The following YIPF1 variants were observed in gnomAD, a reference collection of about 807,000 sequenced individuals.
YIPF1 encodes Yip1 domain family member 1, also known as protein YIPF1.
A neutral mutation model predicts 37.0 loss-of-function variants in YIPF1; 22 were observed. The observed-to-expected ratio is 0.59, with a 90% CI of 0.42 to 0.85. The LOEUF (loss-of-function observed/expected upper bound fraction) is 0.85. YIPF1 is among the 40% of genes least tolerant of loss of function. YIPF1 has a pLI of 0.00. For synonymous variants in YIPF1, 128 were observed against 131.9 expected (o/e 0.97, Z 0.21); for missense variants, 355 against 373.1 (o/e 0.95, Z 0.40).
In YIPF1 at chr1:53,881,075, C is replaced by A. The variant is rs189086574; in HGVS notation, c.195+2038G>T. On this transcript the variant is annotated intron_variant, in intron 4 of 10. Transcript: ENST00000072644. ...GTAAGGAGTTCGAGACCAGCCTGGC[C>A]AATATGGTGAAACCCCGTCTCTACT... 3.1e-3 allele frequency among the ~76,000 whole-genome samples: 475 copies of A among 151,830 alleles called. 3 individuals are homozygous for A. The highest frequency in any genetic ancestry group is 0.011 in the African/African-American group (464 of 41,390).
In YIPF1 at chr1:53,866,350, A is replaced by G; in HGVS notation, c.681T>C (p.Arg227=). The G allele has an allele frequency of 6.2e-7, 1 of 1,614,090 alleles. No individual in the cohort carries two copies. The highest frequency in any genetic ancestry group is 8.5e-7 in the Non-Finnish European group (1 of 1,179,998). Residue 227 remains arginine, a synonymous_variant, in exon 9 of 11, where the codon CGT becomes CGC. Transcript: ENST00000072644. The stretch of plus-strand genomic sequence containing the variant: ...CCAGGGCAATCATGACTAGAATCCA[A>G]CGAACAGCTTTCTGGGGGATAATCC... ...ILWIIPQKAV[R]WILVMIALGI... is the part of the protein sequence containing the mutation.
At position 53,855,456 on chromosome 1, in the gene YIPF1, A is replaced by G. The variant is rs80079628; in HGVS notation, c.*9-3186T>C. The stretch of plus-strand genomic sequence containing the variant: ...AGGATGGAAGCCAGATATTCTTTAT[A>G]TTATTTCAATAACTTACATAGGGGT... On this transcript the variant is annotated intron_variant, in intron 10 of 10. Coordinates refer to ENST00000072644, the MANE Select transcript of YIPF1 (RefSeq NM_018982.5). Among the ~76,000 whole-genome samples, 1,343 of 152,236 alleles carry G rather than the reference A, an allele frequency of 8.8e-3. 14 individuals carry two copies. The highest frequency in any genetic ancestry group is 0.031 in the African/African-American group (1,300 of 41,552).
chr1:53,886,135 C>A (rs1419553547), intron 3 of YIPF1, among the ~76,000 whole-genome samples: 1 of 151,850 alleles, frequency 6.6e-6, no homozygotes, highest in Non-Finnish European at 1.5e-5. Flanking sequence ...TTATTGGGAT[C>A]AGGAAAGGTT....
chr1:53,866,745 G>C lies in YIPF1; in HGVS notation c.648+13C>G, dbSNP rs925643763. 1 of 1,608,550 alleles carries C rather than the reference G, an allele frequency of 6.2e-7. No individual in the cohort carries two copies. The highest frequency in any genetic ancestry group is 1.3e-5 in the African/African-American group (1 of 74,792). ...GCATCACTCAGAATCTACTCCCTAA[G>C]TATGGTACTTACTGCGGTGGGGATA... On this transcript the variant is annotated intron_variant, in intron 8 of 10. Coordinates refer to ENST00000072644, the MANE Select transcript of YIPF1 (RefSeq NM_018982.5).
intron 6 of YIPF1, among the ~76,000 whole-genome samples, chr1:53,877,207 G>C (rs1049608453): frequency 6.6e-6 from 1 of 152,142 alleles, no homozygotes; most frequent in African/African-American, 2.4e-5. Context: ...CAGGCTACAA[G>C]TAAGAATGAA....
chr1:53,869,954 C>A (rs924525581), intron 7 of YIPF1, among the ~76,000 whole-genome samples: 8 of 144,886 alleles, frequency 5.5e-5, no homozygotes, highest in African/African-American at 1.8e-4. Context: ...CTCACTGCAA[C>A]CTCCGCCTCC....
chr1:53,877,893 A>G (rs892781308), intron 6 of YIPF1, among the ~76,000 whole-genome samples: 2 of 152,176 alleles, frequency 1.3e-5, no homozygotes, highest in African/African-American at 4.8e-5. Context: ...GGGCTCAAGC[A>G]ATCCTCCTGC....
chr1:53,865,498 T>C (rs1456507507), intron 9 of YIPF1, among the ~76,000 whole-genome samples: 1 of 152,250 alleles, frequency 6.6e-6, no homozygotes, highest in Non-Finnish European at 1.5e-5. Flanking sequence ...GGAAATGATG[T>C]AAAGCACATA....
chr1:53,888,094 C>T (rs146116930), intron 3 of YIPF1, among the ~76,000 whole-genome samples: 80 of 152,192 alleles, frequency 5.3e-4, no homozygotes, highest in African/African-American at 1.6e-3. Context: ...GGTGTGGTGA[C>T]GGGCACCTGT....
chr1:53,884,299 A>G (rs908368437), intron 3 of YIPF1, among the ~76,000 whole-genome samples: 1 of 151,962 alleles, frequency 6.6e-6, no homozygotes, highest in African/African-American at 2.4e-5. Context: ...AAAGGCAAAC[A>G]CTATTAACAT....
Position 53,866,516 on chromosome 1 carries a change from T to G in YIPF1, c.649-134A>C, listed in dbSNP as rs1263369775. ...GCCACTCTGGTTTTTCAGTACAGGC[T>G]GGAGGAACACCACCAGCATGTAGAC... On this transcript the variant is annotated intron_variant, in intron 8 of 10. Transcript: ENST00000072644. 41 of 1,036,264 alleles carry G rather than the reference T, an allele frequency of 4.0e-5. 1 individual carries two copies. The highest frequency in any genetic ancestry group is 5.7e-5 in the Non-Finnish European group (41 of 719,012). 64.2% of individuals were successfully genotyped at this position (1,036,264 alleles called of 1,614,324 possible). A position where few individuals can be genotyped will look rare whatever the true frequency, so the allele number is the denominator to read the frequency against.
At chr1:53,867,921 C>T (rs3766468) in intron 7 of YIPF1, among the ~76,000 whole-genome samples, 63,638 of 152,086 alleles carry the variant, frequency 0.42, 13,892 homozygotes, top group East Asian at 0.57. Context: ...AGTAGCAGCA[C>T]GCCCTGGAGG....
At position 53,883,283 on chromosome 1, in the gene YIPF1, T is replaced by C; in HGVS notation, c.32-7A>G. ...GTGGCTGCATTGCCAAATTCTGAAA[T>C]CAATTAGAGCACACGGGCCTCAGAA... On this transcript the variant is annotated splice_region_variant and splice_polypyrimidine_tract_variant and intron_variant, in intron 3 of 10. Transcript: ENST00000072644. 6.4e-7 allele frequency: 1 copy of C among 1,556,510 alleles called. No homozygotes were observed. Among genetic ancestry groups the C allele is most frequent in the Non-Finnish European group, 8.7e-7 (1 of 1,155,100 alleles).
At chr1:53,865,167 T>C (rs528703628) in intron 9 of YIPF1, among the ~76,000 whole-genome samples, 2 of 152,328 alleles carry the variant, frequency 1.3e-5, no homozygotes, top group South Asian at 4.1e-4. Context: ...TTTAAAACTT[T>C]TAATTCCTAC....
chr1:53,873,672 C>T (rs1382050038), intron 6 of YIPF1, among the ~76,000 whole-genome samples: 1 of 147,926 alleles, frequency 6.8e-6, no homozygotes, highest in Non-Finnish European at 1.5e-5. Context: ...CTTGGCAACA[C>T]AGCAAGACCT....
rs76447832 is a variant in YIPF1, at chr1:53,863,417, T to C, written c.831+2783A>G. On this transcript the variant is annotated intron_variant, in intron 9 of 10. Coordinates refer to ENST00000072644, the MANE Select transcript of YIPF1 (RefSeq NM_018982.5). ...TGTCTGACGACACAGGCTCCTTTAA[T>C]GACTTTGCATCTGAGGAACACTTCA... is the stretch of plus-strand genomic sequence containing the variant. Among the ~76,000 whole-genome samples the C allele has an allele frequency of 8.8e-3, 1,342 of 152,312 alleles. 14 individuals carry two copies. The highest frequency in any genetic ancestry group is 0.031 in the African/African-American group (1,300 of 41,562).
chr1:53,881,662 C>T (rs1650505176), intron 4 of YIPF1, among the ~76,000 whole-genome samples: 1 of 152,138 alleles, frequency 6.6e-6, no homozygotes, highest in Non-Finnish European at 1.5e-5. Context: ...CAATGAGACA[C>T]CATATCATGC....
At chr1:53,884,246 A>T (rs1056031066) in intron 3 of YIPF1, among the ~76,000 whole-genome samples, 2 of 151,446 alleles carry the variant, frequency 1.3e-5, no homozygotes, top group South Asian at 4.1e-4. Flanking sequence ...AAAAAAAAAA[A>T]AAAAACCCAA....
intron 9 of YIPF1, among the ~76,000 whole-genome samples, chr1:53,861,681 GGA>G (rs1297728321): frequency 7.6e-6 from 1 of 131,196 alleles, no homozygotes; most frequent in Non-Finnish European, 1.6e-5. Flanking sequence ...AGGAAGGAAG[GGA>G]GAGAGAGAGG....
Sources: gnomAD v4.1 joint callset for allele counts (sites outside exome capture counted in the v4.1 genomes callset) on GRCh38, gnomAD v4.1.1 for gene constraint, MANE v1.5 for transcripts, NCBI Gene and HGNC (gene_info 2026-07-23, HGNC 2026-07-21) for gene names.